The following PTPRD variants were observed in gnomAD, a reference collection of about 807,000 sequenced individuals.
The protein encoded by PTPRD is receptor-type tyrosine-protein phosphatase delta.
Under a neutral mutation model 214.5 loss-of-function variants are expected in PTPRD, and 34 were observed. That is an observed-to-expected ratio of 0.16 (90% CI 0.12 to 0.21). The LOEUF (loss-of-function observed/expected upper bound fraction) is 0.21, where lower values mean the gene tolerates loss of function less well. PTPRD is among the 10% of genes least tolerant of loss of function. The pLI is 1.00. For synonymous variants in PTPRD, 1,128 were observed against 845.7 expected, an observed-to-expected ratio of 1.33 and a Z score of -5.79; for missense variants, 2,545 against 2,398.7, an observed-to-expected ratio of 1.06 and a Z score of -1.27.
intron 11 of PTPRD, among the ~76,000 whole-genome samples, chr9:9,005,502 T>C (rs1361821065): frequency 6.6e-6 from 1 of 152,074 alleles, no homozygotes; most frequent in African/African-American, 2.4e-5. Context: ...GAAATTAATC[T>C]GCATCCTGAA....
At position 8,465,601 on chromosome 9, in the gene PTPRD, G is replaced by A. The variant is rs777154656; in HGVS notation, c.3579C>T (p.Ala1193=). ...GREVELKPYI[A]AHFDVLPTEF... Reference sequence around the variant, plus strand: ...CAGTGGGAAGGACATCAAAGTGAGCGGCAATATATGGCTTTAATTCAACTT... The same window carrying A: ...CAGTGGGAAGGACATCAAAGTGAGCAGCAATATATGGCTTTAATTCAACTT... The change falls in exon 32 of 46, where the codon GCC becomes GCT. Residue 1193 remains alanine, a synonymous_variant. Coordinates refer to ENST00000381196, the MANE Select transcript of PTPRD (RefSeq NM_002839.4). The A allele has an allele frequency of 2.2e-5, 36 of 1,612,398 alleles. No individual in the cohort carries two copies. In the East Asian group the frequency reaches 3.3e-4, roughly 15 times the overall value.
intron 11 of PTPRD, among the ~76,000 whole-genome samples, chr9:8,868,695 A>G (rs2098242391): frequency 6.6e-6 from 1 of 151,576 alleles, no homozygotes; most frequent in African/African-American, 2.4e-5. Context: ...TGAAAAAGAA[A>G]TGATCCTTTG....
In PTPRD at chr9:10,117,759, T is replaced by C. The variant is rs149662430; in HGVS notation, c.-544-83969A>G. 3.0e-3 allele frequency among the ~76,000 whole-genome samples: 459 copies of C among 152,054 alleles called. 3 individuals carry two copies. The highest frequency in any genetic ancestry group is 0.011 in the African/African-American group (444 of 41,526). On this transcript the variant is annotated intron_variant, in intron 3 of 45. Coordinates refer to ENST00000381196, the MANE Select transcript of PTPRD (RefSeq NM_002839.4). ...AGTTAGGATTGGACATGTTTTTTGG[T>C]GAAACAATTCATGTCAGAAGATTAA...
intron 2 of PTPRD, among the ~76,000 whole-genome samples, chr9:10,417,065 G>A (rs538026684): frequency 1.3e-5 from 2 of 151,958 alleles, no homozygotes; most frequent in African/African-American, 4.8e-5. Context: ...ACTTATGTTA[G>A]TGAAGACAAC....
At chr9:10,464,733 C>T (rs7873438) in intron 2 of PTPRD, among the ~76,000 whole-genome samples, 3,046 of 151,894 alleles carry the variant, frequency 0.02, 115 homozygotes, top group African/African-American at 0.07. Flanking sequence ...AAAAAAAACT[C>T]ATCGTCTCAT....
At chr9:9,445,847 T>C (rs890789074) in intron 8 of PTPRD, among the ~76,000 whole-genome samples, 5 of 152,116 alleles carry the variant, frequency 3.3e-5, no homozygotes, top group Non-Finnish European at 7.4e-5. Flanking sequence ...CAGAAAAGTA[T>C]AGTGGTAATA....
chr9:8,581,512 G>C (rs1033003717), intron 14 of PTPRD, among the ~76,000 whole-genome samples: 3 of 152,152 alleles, frequency 2.0e-5, no homozygotes, highest in Admixed American at 1.3e-4. Context: ...ACTTTGGGAG[G>C]CCGAGGTGGG....
chr9:10,235,399 G>A (rs1261589839), intron 3 of PTPRD, among the ~76,000 whole-genome samples: 3 of 151,828 alleles, frequency 2.0e-5, no homozygotes, highest in South Asian at 2.1e-4. Context: ...TTCCCTCGTC[G>A]CGCATCAGAA....
intron 3 of PTPRD, among the ~76,000 whole-genome samples, chr9:10,105,747 C>A (rs1324652855): frequency 1.3e-5 from 2 of 151,718 alleles, no homozygotes; most frequent in Non-Finnish European, 2.9e-5. Flanking sequence ...TTCTGAAAAA[C>A]CTGTTCTATT....
At chr9:8,667,624 T>G (rs575623672) in intron 12 of PTPRD, among the ~76,000 whole-genome samples, 7 of 152,192 alleles carry the variant, frequency 4.6e-5, no homozygotes, top group Admixed American at 6.5e-5. Context: ...ATATAAAATA[T>G]AAATGAATTT....
intron 11 of PTPRD, among the ~76,000 whole-genome samples, chr9:8,749,907 G>A (rs993580296): frequency 4.6e-5 from 7 of 151,988 alleles, no homozygotes; most frequent in African/African-American, 1.7e-4. Context: ...TTCAAGACCA[G>A]CCTGGCCAAC....
chr9:9,448,450 T>C (rs2091168093), intron 8 of PTPRD, among the ~76,000 whole-genome samples: 1 of 152,058 alleles, frequency 6.6e-6, no homozygotes, highest in African/African-American at 2.4e-5. Flanking sequence ...TTGCAGTTCA[T>C]TCTCTCTCTC....
chr9:8,790,217 C>T (rs1205724347), intron 11 of PTPRD, among the ~76,000 whole-genome samples: 2 of 151,802 alleles, frequency 1.3e-5, no homozygotes, highest in Non-Finnish European at 2.9e-5. Context: ...GATCTCACTA[C>T]GTTGCCCAGA....
rs563552211 is a variant in PTPRD at position 9,147,998 on chromosome 9, G to A, written c.-143+35306C>T. Among the ~76,000 whole-genome samples the A allele has an allele frequency of 4.3e-4, 65 of 152,132 alleles. 1 individual carries two copies. In the South Asian group the frequency reaches 6.4e-3, roughly 15 times the overall value. ...GCTTGAGAACCACTATCACCTGGAG[G>A]GCTTGTTTTAGGAATGCAATAAGCA... On this transcript the variant is annotated intron_variant, in intron 10 of 45. Coordinates refer to ENST00000381196, the MANE Select transcript of PTPRD (RefSeq NM_002839.4).
intron 7 of PTPRD, among the ~76,000 whole-genome samples, chr9:9,652,648 C>G (rs1281494186): frequency 6.7e-6 from 1 of 148,646 alleles, no homozygotes; most frequent in Non-Finnish European, 1.5e-5. Flanking sequence ...TAGTTTCACT[C>G]TTTTTGCCCA....
intron 3 of PTPRD, among the ~76,000 whole-genome samples, chr9:10,105,836 C>T (rs2098624070): frequency 6.6e-6 from 1 of 151,418 alleles, no homozygotes; most frequent in Admixed American, 6.6e-5. Context: ...TTCAGGACCC[C>T]TGCAATAGGG....
intron 9 of PTPRD, among the ~76,000 whole-genome samples, chr9:9,245,301 T>A (rs139895567): frequency 0.013 from 1,928 of 152,172 alleles, 41 homozygotes; most frequent in African/African-American, 0.045. Flanking sequence ...ATCATGCTGC[T>A]ATGAAGACAC....
At chr9:8,992,702 T>C (rs996418251) in intron 11 of PTPRD, among the ~76,000 whole-genome samples, 2 of 152,180 alleles carry the variant, frequency 1.3e-5, no homozygotes, top group African/African-American at 4.8e-5. Flanking sequence ...TTTCAAAATA[T>C]TGCACTGGAT....
chr9:9,231,023 T>C (rs1049514183), intron 9 of PTPRD, among the ~76,000 whole-genome samples: 1 of 149,994 alleles, frequency 6.7e-6, no homozygotes, highest in Non-Finnish European at 1.5e-5. Context: ...AAAGTTCTTA[T>C]CTCCTTGATT....
Sources: allele counts gnomAD v4.1 joint callset (sites outside exome capture counted in the v4.1 genomes callset), GRCh38; gene constraint gnomAD v4.1.1; transcripts MANE v1.5; gene names NCBI Gene and HGNC (gene_info 2026-07-23, HGNC 2026-07-21).